RFTN2: variants seen among roughly 807,000 people sequenced by gnomAD.
RFTN2 encodes the protein raftlin family member 2.
Under a neutral mutation model 52.7 loss-of-function variants are expected in RFTN2, and 34 were observed. The ratio of observed to expected loss-of-function variants is 0.64; its 90% confidence interval spans 0.49 to 0.86. RFTN2 has a LOEUF of 0.86. Among genes scored for constraint, RFTN2 ranks in the 40% least tolerant of loss-of-function variants. The probability of loss-of-function intolerance (pLI) is 0.00; values close to 1 mark genes in which losing one functional copy is unlikely to be tolerated. For synonymous variants in RFTN2, 203 were observed against 217.7 expected, an observed-to-expected ratio of 0.93 and a Z score of 0.59; for missense variants, 536 against 600.1, an observed-to-expected ratio of 0.89 and a Z score of 1.12.
intron 5 of RFTN2, among the ~76,000 whole-genome samples, chr2:197,624,491 G>A (rs998775697): frequency 1.3e-5 from 2 of 151,568 alleles, no homozygotes; most frequent in African/African-American, 2.4e-5. Flanking sequence ...CCAGCTACTC[G>A]GGAGACTGAG....
Position 197,633,908 on chromosome 2 carries a change from A to C in RFTN2, c.528T>G (p.His176Gln). 6.2e-7 allele frequency: 1 copy of C among 1,613,702 alleles called. No homozygotes were observed. The highest frequency in any genetic ancestry group is 8.5e-7 in the Non-Finnish European group (1 of 1,179,668). The change falls in exon 4 of 9, where the codon CAT becomes CAG. Residue 176 changes from histidine (H) to glutamine (Q), a missense_variant. Physicochemically the swap from His to Gln is conservative, Grantham distance 24 (BLOSUM62 0). Coordinates refer to ENST00000295049, the MANE Select transcript of RFTN2 (RefSeq NM_144629.3). ...GTAGCATCGATTCTATATCTCCATC[A>C]TGGTTGGTTCCATTGCAGAATTTAG... ...SPSKFCNGTN[H>Q]DGDIESMLHV...
intron 5 of RFTN2, among the ~76,000 whole-genome samples, chr2:197,624,701 C>G (rs938034818): frequency 2.4e-4 from 37 of 151,126 alleles, no homozygotes; most frequent in African/African-American, 9.0e-4. Context: ...GTAGCTCATG[C>G]TGTAATCCCA....
chr2:197,580,051 C>A (rs1167227794), intron 8 of RFTN2, among the ~76,000 whole-genome samples: 1 of 152,122 alleles, frequency 6.6e-6, no homozygotes, highest in Admixed American at 6.5e-5. Context: ...AAAAACCCAG[C>A]CCAGTTCATG....
At chr2:197,619,316 G>A (rs1037458019) in intron 5 of RFTN2, among the ~76,000 whole-genome samples, 8 of 152,078 alleles carry the variant, frequency 5.3e-5, no homozygotes, top group Non-Finnish European at 7.4e-5. Flanking sequence ...GAAAGGTGGG[G>A]AAAAGATTGA....
intron 5 of RFTN2, among the ~76,000 whole-genome samples, chr2:197,619,104 C>T (rs1379421883): frequency 6.6e-6 from 1 of 150,576 alleles, no homozygotes; most frequent in Non-Finnish European, 1.5e-5. Context: ...AGCCCCTCTG[C>T]CCGGCCAGCC....
At chr2:197,608,310 ATTT>A (rs753519789) in intron 7 of RFTN2, among the ~76,000 whole-genome samples, 2 of 132,206 alleles carry the variant, frequency 1.5e-5, no homozygotes. Flanking sequence ...TAGGGACCAG[ATTT>A]TTTTTTTTTT....
intron 1 of RFTN2, among the ~76,000 whole-genome samples, chr2:197,654,273 G>A (rs532682827): frequency 1.3e-5 from 2 of 152,196 alleles, no homozygotes; most frequent in South Asian, 2.1e-4. Context: ...GTAAGTCCCA[G>A]CTACTTGGGG....
chr2:197,658,138 T>A (rs887545789), intron 1 of RFTN2, among the ~76,000 whole-genome samples: 1 of 151,896 alleles, frequency 6.6e-6, no homozygotes, highest in African/African-American at 2.4e-5. Flanking sequence ...TATGTTTTTT[T>A]CCCCCTCATG....
intron 7 of RFTN2, among the ~76,000 whole-genome samples, chr2:197,598,287 T>A (rs950179389): frequency 6.6e-6 from 1 of 151,892 alleles, no homozygotes; most frequent in Non-Finnish European, 1.5e-5. Flanking sequence ...GCCACTGAAC[T>A]CTACCATGGG....
chr2:197,591,389 CCTT>C (rs2087710473), intron 8 of RFTN2, among the ~76,000 whole-genome samples: 1 of 152,194 alleles, frequency 6.6e-6, no homozygotes. Flanking sequence ...TGCTTACAAA[CCTT>C]GAACTAGATA....
chr2:197,669,195 A>G (rs1013513986), intron 1 of RFTN2, among the ~76,000 whole-genome samples: 1 of 152,228 alleles, frequency 6.6e-6, no homozygotes, highest in African/African-American at 2.4e-5. Flanking sequence ...ATGAAGGACC[A>G]AATTATGACC....
chr2:197,624,490 C>T (rs1227989633), intron 5 of RFTN2, among the ~76,000 whole-genome samples: 4 of 150,794 alleles, frequency 2.7e-5, no homozygotes, highest in Non-Finnish European at 5.9e-5. Context: ...CCCAGCTACT[C>T]GGGAGACTGA....
At chr2:197,635,006 G>A (rs909493926) in intron 3 of RFTN2, among the ~76,000 whole-genome samples, 6 of 150,406 alleles carry the variant, frequency 4.0e-5, no homozygotes, top group Admixed American at 3.4e-4. Context: ...TTGTTCTTGC[G>A]ATAGTTTACT....
At chr2:197,631,281 AT>A in intron 4 of RFTN2, 61 bp from the exon 5 acceptor site, 1 of 1,188,326 alleles carries the variant, frequency 8.4e-7, no homozygotes, top group African/African-American at 1.5e-5. Context: ...AAGATTCTTA[AT>A]TTTTTCACTA....
chr2:197,659,327 C>T (rs1204261544), intron 1 of RFTN2, among the ~76,000 whole-genome samples: 3 of 151,280 alleles, frequency 2.0e-5, no homozygotes, highest in Non-Finnish European at 3.0e-5. Context: ...GGTGAAACCC[C>T]GTCTCTACTA....
chr2:197,590,552 A>C (rs534958502), intron 8 of RFTN2, among the ~76,000 whole-genome samples: 4 of 152,284 alleles, frequency 2.6e-5, no homozygotes, highest in African/African-American at 9.6e-5. Context: ...ATGTGTCCAG[A>C]ATTGGTGGGT....
At position 197,672,231 on chromosome 2, in the gene RFTN2, A is replaced by C. The variant is rs564021858; in HGVS notation, c.139+3089T>G. Among the ~76,000 whole-genome samples, 4 of 152,312 alleles carry C rather than the reference A, an allele frequency of 2.6e-5. No homozygotes were observed. In the East Asian group the frequency reaches 7.7e-4, roughly 29 times the overall value. On this transcript the variant is annotated intron_variant, in intron 1 of 8. Coordinates refer to ENST00000295049, the MANE Select transcript of RFTN2 (RefSeq NM_144629.3). The stretch of plus-strand genomic sequence containing the variant: ...TTCGGCCTACCTAGATGAAACTTTA[A>C]ATTTCTTGAAAGAAGGGGCTATGTG...
At chr2:197,619,180 C>G in intron 5 of RFTN2, among the ~76,000 whole-genome samples, 1 of 152,030 alleles carries the variant, frequency 6.6e-6, no homozygotes, top group Non-Finnish European at 1.5e-5. Flanking sequence ...CGCCTCTGCC[C>G]GGCTGCGCCT....
intron 1 of RFTN2, among the ~76,000 whole-genome samples, chr2:197,653,825 G>T (rs1305007204): frequency 6.6e-6 from 1 of 152,126 alleles, no homozygotes; most frequent in African/African-American, 2.4e-5. Flanking sequence ...TCAACCAACT[G>T]CTCATTGAAC....
Sources: allele counts gnomAD v4.1 joint callset (sites outside exome capture counted in the v4.1 genomes callset), GRCh38; gene constraint gnomAD v4.1.1; transcripts MANE v1.5; gene names NCBI Gene and HGNC (gene_info 2026-07-23, HGNC 2026-07-21).